The following NLGN1 variants were observed in gnomAD, a reference collection of about 807,000 sequenced individuals.
NLGN1 encodes the protein neuroligin-1.
A neutral mutation model predicts 65.5 loss-of-function variants in NLGN1; 12 were observed. The ratio of observed to expected loss-of-function variants is 0.18; its 90% CI spans 0.12 to 0.30. The LOEUF is 0.30. Ranked by LOEUF, NLGN1 falls within the 10% of genes least tolerant of loss-of-function variation. The probability of loss-of-function intolerance (pLI) is 1.00; values close to 1 mark genes in which losing one functional copy is unlikely to be tolerated. For missense variants in NLGN1, 750 were observed against 1,007.1 expected, an observed-to-expected ratio of 0.74 and a Z score of 3.46; for synonymous variants, 350 against 359.5, an observed-to-expected ratio of 0.97 and a Z score of 0.30.
At chr3:173,768,502 A>T (rs1779097170) in intron 3 of NLGN1, among the ~76,000 whole-genome samples, 1 of 152,148 alleles carries the variant, frequency 6.6e-6, no homozygotes, top group Non-Finnish European at 1.5e-5. Context: ...CACCCCTTTC[A>T]TAAATGCCCA....
At chr3:173,713,759 C>A (rs1358649712) in intron 3 of NLGN1, among the ~76,000 whole-genome samples, 3 of 152,152 alleles carry the variant, frequency 2.0e-5, no homozygotes, top group African/African-American at 7.2e-5. Flanking sequence ...GCCTTATACC[C>A]ATCTGTACTC....
chr3:173,704,357 T>G lies in NLGN1; in HGVS notation c.493+99266T>G, dbSNP rs901267983. ...TGGTGGCCAAGCTGTAGTCTTTCAG[T>G]ATGTATGGATTTTTTTTCAACCAGA... On this transcript the variant is annotated intron_variant, in intron 3 of 6. Transcript: ENST00000457714. Among the ~76,000 whole-genome samples the G allele has an allele frequency of 1.3e-5, 2 of 152,188 alleles. 1 individual carries two copies. The highest frequency in any genetic ancestry group is 2.9e-5 in the Non-Finnish European group (2 of 68,016).
At chr3:173,914,461 A>AAC (rs370972092) in intron 4 of NLGN1, among the ~76,000 whole-genome samples, 20 of 151,750 alleles carry the variant, frequency 1.3e-4, no homozygotes, top group African/African-American at 2.2e-4. Context: ...ATAGAGGAGA[A>AAC]ACACACACAC....
intron 4 of NLGN1, among the ~76,000 whole-genome samples, chr3:174,133,893 A>AACACACACACACACAC (rs5854553): frequency 0.04 from 5,858 of 144,770 alleles, 159 homozygotes; most frequent in East Asian, 0.075. Context: ...CACCCCACAA[A>AACACACACACACACAC]ACACACACAC....
intron 4 of NLGN1, among the ~76,000 whole-genome samples, chr3:173,995,827 C>A (rs1445643018): frequency 6.6e-6 from 1 of 151,718 alleles, no homozygotes; most frequent in Non-Finnish European, 1.5e-5. Flanking sequence ...TCTGGGACTC[C>A]CGGTGCACAT....
intron 4 of NLGN1, among the ~76,000 whole-genome samples, chr3:173,815,603 G>A (rs994998161): frequency 9.2e-5 from 14 of 152,078 alleles, no homozygotes; most frequent in African/African-American, 3.1e-4. Context: ...TGACTGCTTC[G>A]TCTCAGTCTC....
At chr3:173,807,853 G>T in intron 4 of NLGN1, 21 bp downstream of exon 4, 2 of 1,607,654 alleles carry the variant, frequency 1.2e-6, no homozygotes, top group Non-Finnish European at 1.7e-6. Flanking sequence ...TCTCTCTTTT[G>T]TTTTCACCAT....
intron 1 of NLGN1, among the ~76,000 whole-genome samples, chr3:173,401,365 C>T (rs1317290878): frequency 6.6e-6 from 1 of 151,912 alleles, no homozygotes; most frequent in African/African-American, 2.4e-5. Context: ...CTTCCCTACC[C>T]CTGTTTTTTT....
At chr3:173,504,080 A>C (rs1731607964) in intron 2 of NLGN1, among the ~76,000 whole-genome samples, 1 of 152,072 alleles carries the variant, frequency 6.6e-6, no homozygotes, top group African/African-American at 2.4e-5. Flanking sequence ...CTTGATGAGA[A>C]ATGTAATCAA....
intron 3 of NLGN1, among the ~76,000 whole-genome samples, chr3:173,779,233 T>G (rs1483879414): frequency 6.6e-6 from 1 of 151,944 alleles, no homozygotes; most frequent in Non-Finnish European, 1.5e-5. Flanking sequence ...ATAATATTTC[T>G]AGGAAATAAT....
At chr3:173,683,565 T>C (rs1764269204) in intron 3 of NLGN1, among the ~76,000 whole-genome samples, 1 of 152,194 alleles carries the variant, frequency 6.6e-6, no homozygotes, top group Non-Finnish European at 1.5e-5. Context: ...TTTACCCTCT[T>C]TCTCTCATTC....
intron 3 of NLGN1, among the ~76,000 whole-genome samples, chr3:173,745,632 C>G (rs1398893877): frequency 1.3e-5 from 2 of 151,996 alleles, no homozygotes; most frequent in East Asian, 3.9e-4. Context: ...AGCCCCACAC[C>G]TAACATTTTA....
chr3:173,649,189 G>C (rs1758745870), intron 3 of NLGN1, among the ~76,000 whole-genome samples: 1 of 152,080 alleles, frequency 6.6e-6, no homozygotes, highest in South Asian at 2.1e-4. Flanking sequence ...TTTAGAAAAT[G>C]CAAACTATAG....
At chr3:174,206,661 A>C (rs2152783361) in intron 4 of NLGN1, among the ~76,000 whole-genome samples, 1 of 152,266 alleles carries the variant, frequency 6.6e-6, no homozygotes, top group Non-Finnish European at 1.5e-5. Context: ...CCGGTAAAAT[A>C]ATTTATGATA....
chr3:173,788,409 T>A (rs957223748), intron 3 of NLGN1, among the ~76,000 whole-genome samples: 3 of 152,044 alleles, frequency 2.0e-5, no homozygotes, highest in African/African-American at 7.2e-5. Flanking sequence ...TTAACCTATT[T>A]TTTTAGTTTT....
intron 3 of NLGN1, among the ~76,000 whole-genome samples, chr3:173,631,519 A>G (rs1755683017): frequency 6.6e-6 from 1 of 152,164 alleles, no homozygotes. Flanking sequence ...TCAGAAAGAA[A>G]CAGAGGCTAC....
chr3:174,074,831 T>C (rs2152539481), intron 4 of NLGN1, among the ~76,000 whole-genome samples: 1 of 152,242 alleles, frequency 6.6e-6, no homozygotes, highest in South Asian at 2.1e-4. Flanking sequence ...AGTTAAGCAG[T>C]CCGTTACACA....
At chr3:173,852,952 A>T (rs1560496225) in intron 4 of NLGN1, among the ~76,000 whole-genome samples, 1 of 152,330 alleles carries the variant, frequency 6.6e-6, no homozygotes, top group East Asian at 1.9e-4. Context: ...AGGTACTCTC[A>T]AGTGGGTTTA....
chr3:174,089,170 A>T (rs1253665250), intron 4 of NLGN1, among the ~76,000 whole-genome samples: 2 of 152,210 alleles, frequency 1.3e-5, no homozygotes, highest in Non-Finnish European at 2.9e-5. Flanking sequence ...TTTAATTTAA[A>T]TGCATACAGT....
Sources: allele counts gnomAD v4.1 joint callset (sites outside exome capture counted in the v4.1 genomes callset), GRCh38; gene constraint gnomAD v4.1.1; transcripts MANE v1.5; gene names NCBI Gene and HGNC (gene_info 2026-07-23, HGNC 2026-07-21).